FHIT: variants seen among roughly 807,000 people sequenced by gnomAD.
FHIT encodes the protein fragile histidine triad diadenosine triphosphatase, also known as bis(5'-adenosyl)-triphosphatase.
In FHIT, 19 loss-of-function variants were observed where a neutral mutation model predicts 17.9. That is an observed-to-expected ratio of 1.06 (90% CI 0.74 to 1.56). The LOEUF is 1.56. Among genes scored for constraint, FHIT ranks in the 40% most tolerant of loss-of-function variants. The pLI is 0.00. For synonymous variants in FHIT, 81 were observed against 69.7 expected, an observed-to-expected ratio of 1.16 and a Z score of -0.81; for missense variants, 248 against 189.2, an observed-to-expected ratio of 1.31 and a Z score of -1.82.
At chr3:60,266,864 A>G (rs560912265) in intron 5 of FHIT, among the ~76,000 whole-genome samples, 34 of 152,230 alleles carry the variant, frequency 2.2e-4, no homozygotes, top group African/African-American at 7.2e-4. Flanking sequence ...GGGGGCTAAG[A>G]CAGTGATAAG....
At chr3:60,951,377 C>T (rs9849262) in intron 3 of FHIT, among the ~76,000 whole-genome samples, 3,627 of 152,228 alleles carry the variant, frequency 0.024, 143 homozygotes, top group African/African-American at 0.082. Flanking sequence ...TACTGTTTTT[C>T]GAGTCATGGA....
At chr3:60,285,755 A>AT (rs1707695861) in intron 5 of FHIT, among the ~76,000 whole-genome samples, 2 of 152,324 alleles carry the variant, frequency 1.3e-5, no homozygotes, top group African/African-American at 2.4e-5. Context: ...CTAGAACTCT[A>AT]TTTTTTAAAT....
intron 4 of FHIT, among the ~76,000 whole-genome samples, chr3:60,780,639 C>T (rs73105415): frequency 0.027 from 4,169 of 152,262 alleles, 62 homozygotes; most frequent in Non-Finnish European, 0.039. Context: ...TTAGATGGGC[C>T]TCTGCCGTTT....
At chr3:59,939,286 C>T (rs1244835206) in intron 7 of FHIT, among the ~76,000 whole-genome samples, 1 of 152,162 alleles carries the variant, frequency 6.6e-6, no homozygotes, top group African/African-American at 2.4e-5. Context: ...TAACTTCAGT[C>T]TCCGTGGCTC....
intron 7 of FHIT, among the ~76,000 whole-genome samples, chr3:59,981,340 G>C (rs979382980): frequency 1.3e-5 from 2 of 152,094 alleles, no homozygotes; most frequent in East Asian, 3.9e-4. Flanking sequence ...CTAAGTTTCA[G>C]AGTAATCCCT....
At chr3:60,051,988 A>T (rs1180141422) in intron 5 of FHIT, among the ~76,000 whole-genome samples, 1 of 152,152 alleles carries the variant, frequency 6.6e-6, no homozygotes, top group Non-Finnish European at 1.5e-5. Context: ...GATAGATATC[A>T]GATGTTGTGG....
intron 8 of FHIT, among the ~76,000 whole-genome samples, chr3:59,804,740 C>A (rs1700129571): frequency 6.6e-6 from 1 of 152,188 alleles, no homozygotes; most frequent in African/African-American, 2.4e-5. Context: ...TGCCTGCAGA[C>A]CCTATTTTCC....
intron 4 of FHIT, among the ~76,000 whole-genome samples, chr3:60,570,813 G>A (rs1172459706): frequency 5.4e-5 from 8 of 147,928 alleles, no homozygotes; most frequent in African/African-American, 7.5e-5. Context: ...TTGTTGGACT[G>A]AACCAAAGCA....
At chr3:59,848,495 AATCTTCTAAAATAATATTTAGAAT>A (rs1438908108) in intron 8 of FHIT, among the ~76,000 whole-genome samples, 1 of 152,220 alleles carries the variant, frequency 6.6e-6, no homozygotes, top group Non-Finnish European at 1.5e-5. Context: ...CAATTTCAGT[AATCTTCTAAAATAATATTTAGAAT>A]ATCTTCTAAA....
chr3:60,752,291 C>A (rs184093540), intron 4 of FHIT, among the ~76,000 whole-genome samples: 1 of 152,272 alleles, frequency 6.6e-6, no homozygotes, highest in Non-Finnish European at 1.5e-5. Flanking sequence ...AGAACTTACA[C>A]AAATTACACA....
intron 1 of FHIT, among the ~76,000 whole-genome samples, chr3:61,224,840 T>A (rs2039929045): frequency 6.6e-6 from 1 of 152,204 alleles, no homozygotes; most frequent in Admixed American, 6.5e-5. Flanking sequence ...CATATATACA[T>A]ACAGTGTGGA....
intron 4 of FHIT, among the ~76,000 whole-genome samples, chr3:60,756,058 C>T (rs932856153): frequency 1.3e-5 from 2 of 152,170 alleles, no homozygotes; most frequent in Non-Finnish European, 1.5e-5. Flanking sequence ...TAACCTTCAC[C>T]GTTCCAAGTT....
chr3:61,239,542 C>T (rs1408948179), intron 1 of FHIT, among the ~76,000 whole-genome samples: 2 of 151,974 alleles, frequency 1.3e-5, no homozygotes, highest in African/African-American at 4.8e-5. Flanking sequence ...TTACTCATCC[C>T]TCTTTCTATC....
chr3:60,699,152 C>T (rs193155426), intron 4 of FHIT, among the ~76,000 whole-genome samples: 35 of 152,060 alleles, frequency 2.3e-4, no homozygotes, highest in African/African-American at 7.7e-4. Context: ...TATTTAAATA[C>T]CCAACTACTT....
In FHIT at chr3:60,326,942, A is replaced by G. The variant is rs1709722519; in HGVS notation, c.103+209918T>C. Among the ~76,000 whole-genome samples the G allele has an allele frequency of 2.0e-5, 3 of 152,218 alleles. No homozygotes were observed. The South Asian group carries it at 6.2e-4, about 32-fold the overall frequency. On this transcript the variant is annotated intron_variant, in intron 5 of 9. Coordinates refer to ENST00000492590, the MANE Select transcript of FHIT (RefSeq NM_002012.4). ...CTTAGTTTACAGATTTCAATTTGGC[A>G]GTATCTGGCAATGTTAATTATATAA...
chr3:60,357,536 C>G (rs1046912381), intron 5 of FHIT, among the ~76,000 whole-genome samples: 1 of 152,128 alleles, frequency 6.6e-6, no homozygotes, highest in Admixed American at 6.6e-5. Context: ...TGAGCCACCA[C>G]GCCCGGCCCA....
At chr3:60,976,096 CTTTTTTTTTTTTTT>C (rs869239307) in intron 3 of FHIT, among the ~76,000 whole-genome samples, 9 of 66,792 alleles carry the variant, frequency 1.3e-4, no homozygotes, top group East Asian at 4.3e-4. Context: ...TTTTCTTTTT[CTTTTTTTTTTTTTT>C]TTTTTTTTTT....
Position 60,445,034 on chromosome 3 carries a change from G to A in FHIT, c.103+91826C>T, listed in dbSNP as rs76012486. On this transcript the variant is annotated intron_variant, in intron 5 of 9. Transcript: ENST00000492590. Reference sequence around the variant, plus strand: ...AATGTTTTCTTGATGGGGCACTATGGCCTCACCACAGATGTGGCTTAGTTA... The same window carrying A: ...AATGTTTTCTTGATGGGGCACTATGACCTCACCACAGATGTGGCTTAGTTA... Among the ~76,000 whole-genome samples, 820 of 152,132 alleles carry A rather than the reference G, an allele frequency of 5.4e-3. 9 individuals are homozygous for A. Among genetic ancestry groups the A allele is most frequent in the African/African-American group, 0.019 (792 of 41,520 alleles).
intron 5 of FHIT, among the ~76,000 whole-genome samples, chr3:60,250,669 GT>G (rs1178798912): frequency 1.3e-5 from 2 of 152,120 alleles, no homozygotes; most frequent in African/African-American, 4.8e-5. Context: ...GGAGGAACCT[GT>G]TGTAATTAAG....
Sources: allele counts gnomAD v4.1 joint callset (sites outside exome capture counted in the v4.1 genomes callset), GRCh38; gene constraint gnomAD v4.1.1; transcripts MANE v1.5; gene names NCBI Gene and HGNC (gene_info 2026-07-23, HGNC 2026-07-21).